Variants in URB2 observed in about 807,000 individuals in gnomAD.
URB2 encodes the protein unhealthy ribosome biogenesis protein 2 homolog.
In URB2, 86 loss-of-function variants were observed where a neutral mutation model predicts 120.9. That is an observed-to-expected ratio of 0.71 (90% CI 0.60 to 0.85). The LOEUF (loss-of-function observed/expected upper bound fraction) is 0.85, where lower values mean the gene tolerates loss of function less well. Among genes scored for constraint, URB2 ranks in the 40% least tolerant of loss-of-function variants. The pLI is 0.00. For missense variants in URB2, 1,765 were observed against 1,836.5 expected (o/e 0.96, Z 0.71); for synonymous variants, 755 against 758.4 (o/e 1.00, Z 0.07).
intron 4 of URB2, among the ~76,000 whole-genome samples, chr1:229,640,811 G>A (rs1665991058): frequency 6.6e-6 from 1 of 152,040 alleles, no homozygotes; most frequent in Non-Finnish European, 1.5e-5. Context: ...TATTGTGTTA[G>A]GGTCTCTTTT....
Position 229,635,075 on chromosome 1 carries a change from C to T in URB2, c.462C>T (p.Cys154=), listed in dbSNP as rs1423755817. 4.3e-6 allele frequency: 7 copies of T among 1,614,026 alleles called. No homozygotes were observed. The highest frequency in any genetic ancestry group is 5.1e-6 in the Non-Finnish European group (6 of 1,179,944). The part of the protein sequence containing the change: ...ELMVALLSQL[C]WSACRQPEGA... Reference sequence around the variant, plus strand: ...TGGTGGCCTTGCTGAGCCAGCTTTGCTGGTCGGCCTGCAGGCAGCCCGAAG... The same window carrying T: ...TGGTGGCCTTGCTGAGCCAGCTTTGTTGGTCGGCCTGCAGGCAGCCCGAAG... The change falls in exon 4 of 10, where the codon TGC becomes TGT. Residue 154 remains cysteine, a synonymous_variant. Coordinates refer to ENST00000258243, the MANE Select transcript of URB2 (RefSeq NM_014777.4).
intron 5 of URB2, 86 bp from the exon 6 acceptor site, chr1:229,645,773 C>A: frequency 8.6e-7 from 1 of 1,168,028 alleles, no homozygotes; most frequent in Non-Finnish European, 1.3e-6. Context: ...ACGCCACAGC[C>A]CCAGAGAGCA....
Position 229,660,027 on chromosome 1 carries a change from G to T in URB2, c.*730G>T, listed in dbSNP as rs1342864689. ...TTTTTATTATAGCAACCTCAGAAAA[G>T]AAAAATAAAAGGATAATTTAAAAAA... On this transcript the variant is annotated 3_prime_UTR_variant, in exon 10 of 10. Transcript: ENST00000258243. The T allele has an allele frequency of 1.3e-5, 2 of 152,092 alleles. No homozygotes were observed. Among genetic ancestry groups the T allele is most frequent in the Non-Finnish European group, 2.9e-5 (2 of 68,008 alleles). The allele number at this position is 152,092 out of a possible 1,614,324, so 9.4% of individuals were successfully genotyped here.
intron 3 of URB2, among the ~76,000 whole-genome samples, chr1:229,633,992 C>T (rs577976170): frequency 6.6e-5 from 10 of 151,808 alleles, no homozygotes; most frequent in South Asian, 4.2e-4. Context: ...CCACCATGCT[C>T]GGCTAATTTT....
chr1:229,655,280 C>T (rs796424543), intron 9 of URB2, among the ~76,000 whole-genome samples: 16 of 152,204 alleles, frequency 1.1e-4, no homozygotes, highest in African/African-American at 3.4e-4. Flanking sequence ...TTCTCCCAGG[C>T]TGGAGTGAAG....
At chr1:229,633,907 C>CT (rs1665729172) in intron 3 of URB2, among the ~76,000 whole-genome samples, 1 of 152,108 alleles carries the variant, frequency 6.6e-6, no homozygotes, top group African/African-American at 2.4e-5. Flanking sequence ...TCTTGGCTCA[C>CT]TGGAACCTCT....
In URB2 at chr1:229,659,871, T is replaced by A. The variant is rs1186466249; in HGVS notation, c.*574T>A. 6.6e-6 allele frequency: 1 copy of A among 152,270 alleles called. No individual in the cohort carries two copies. The highest frequency in any genetic ancestry group is 1.5e-5 in the Non-Finnish European group (1 of 68,108). The allele number at this position is 152,270 out of a possible 1,614,324, so 9.4% of individuals were successfully genotyped here. A position where few individuals can be genotyped will look rare whatever the true frequency, so the allele number is the denominator to read the frequency against. ...GGGCACCTCAGGCAGGTCGGTGACG[T>A]TTAGCACAGGTGCCAGGGCTCCTGC... is the stretch of plus-strand genomic sequence containing the variant. On this transcript the variant is annotated 3_prime_UTR_variant, in exon 10 of 10. Coordinates refer to ENST00000258243, the MANE Select transcript of URB2 (RefSeq NM_014777.4).
At chr1:229,658,297 C>G (rs1222544592) in intron 9 of URB2, among the ~76,000 whole-genome samples, 1 of 152,156 alleles carries the variant, frequency 6.6e-6, no homozygotes, top group Middle Eastern at 3.2e-3. Context: ...TAGTCTGAGT[C>G]TCTTCTCTGG....
In URB2 at chr1:229,637,351, A is replaced by G. The variant is rs150527379; in HGVS notation, c.2738A>G (p.Tyr913Cys). 4.1e-4 allele frequency: 667 copies of G among 1,614,076 alleles called. 1 individual carries two copies. The highest frequency in any genetic ancestry group is 4.9e-4 in the Non-Finnish European group (577 of 1,180,010). The change falls in exon 4 of 10, where the codon TAT (tyrosine) becomes TGT (cysteine). Residue 913 changes from tyrosine to cysteine, a missense_variant. Tyr to Cys is a radical substitution (Grantham distance 194, BLOSUM62 -2). Coordinates refer to ENST00000258243, the MANE Select transcript of URB2 (RefSeq NM_014777.4). Reference protein sequence around the residue: ...ALQLDSLLPPYHVHYFLVLLS... With the variant: ...ALQLDSLLPPCHVHYFLVLLS... Reference sequence around the variant, plus strand: ...CAGCTGGACAGCCTCTTGCCACCCTATCATGTGCATTATTTTCTTGTGTTA... The same window carrying G: ...CAGCTGGACAGCCTCTTGCCACCCTGTCATGTGCATTATTTTCTTGTGTTA...
chr1:229,633,294 G>A (rs1665716871), intron 3 of URB2, among the ~76,000 whole-genome samples: 1 of 152,162 alleles, frequency 6.6e-6, no homozygotes, highest in East Asian at 1.9e-4. Flanking sequence ...ATAAACCAGT[G>A]GTCACCAAAG....
At chr1:229,642,970 GTGTA>G (rs1404096779) in intron 4 of URB2, among the ~76,000 whole-genome samples, 3 of 152,196 alleles carry the variant, frequency 2.0e-5, no homozygotes, top group Non-Finnish European at 4.4e-5. Flanking sequence ...CACGTATTTT[GTGTA>G]TGTATTTATG....
chr1:229,637,128 C>G lies in URB2; in HGVS notation c.2515C>G (p.Pro839Ala). 6.2e-7 allele frequency: 1 copy of G among 1,613,098 alleles called. No homozygotes were observed. Among genetic ancestry groups the G allele is most frequent in the Non-Finnish European group, 8.5e-7 (1 of 1,179,374 alleles). The change falls in exon 4 of 10, where the codon CCC becomes GCC. Residue 839 changes from proline (P) to alanine (A), a missense_variant. Pro to Ala is a conservative substitution (Grantham distance 27). Coordinates refer to ENST00000258243, the MANE Select transcript of URB2 (RefSeq NM_014777.4). ...RDSGLVSQQLPWLFEKDHMVV... is the reference protein window; with the variant it reads ...RDSGLVSQQLAWLFEKDHMVV... ...CTCAGGTCTTGTCAGTCAGCAGCTT[C>G]CCTGGCTTTTTGAAAAGGACCACAT...
intron 8 of URB2, among the ~76,000 whole-genome samples, chr1:229,652,608 G>A (rs755196920): frequency 1.3e-5 from 2 of 152,224 alleles, no homozygotes; most frequent in East Asian, 1.9e-4. Context: ...ATTGTGAATC[G>A]ATTTAGGAGC....
At chr1:229,640,442 T>C (rs1377206737) in intron 4 of URB2, among the ~76,000 whole-genome samples, 2 of 152,192 alleles carry the variant, frequency 1.3e-5, no homozygotes, top group Non-Finnish European at 2.9e-5. Flanking sequence ...GGGGGGTCTT[T>C]TCTTTTTTGT....
Position 229,635,689 on chromosome 1 carries a change from T to C in URB2, c.1076T>C (p.Val359Ala), listed in dbSNP as rs777676028. The C allele has an allele frequency of 6.8e-6, 11 of 1,614,054 alleles. No homozygotes were observed. Among genetic ancestry groups the C allele is most frequent in the Admixed American group, 1.7e-5 (1 of 60,006 alleles). Residue 359 changes from valine (V) to alanine (A), a missense_variant, in exon 4 of 10, where the codon GTT (valine) becomes GCT (alanine). Physicochemically the swap from Val to Ala is moderately conservative, Grantham distance 64 (BLOSUM62 0). Transcript: ENST00000258243. ...TCAGATTGGACCACAGAGCTTTTGG[T>C]TGTGGAACAGCTACTAAACTCAGTG... is the stretch of plus-strand genomic sequence containing the variant. ...STSDWTTELL[V>A]VEQLLNSVAN...
At position 229,651,251 on chromosome 1, in the gene URB2, T is replaced by G; in HGVS notation, c.4166T>G (p.Ile1389Ser). ...TCATTACAGGTAATGCTGAAAGCCA[T>G]CCCTTCTTTCTTGAACTCTTTCAAT... Reference protein sequence around the residue: ...QCHPKVMLKAIPSFLNSFNRL... With the variant: ...QCHPKVMLKASPSFLNSFNRL... Residue 1389 changes from isoleucine (I) to serine (S), a missense_variant, in exon 8 of 10, where the codon ATC (isoleucine) becomes AGC (serine). By Grantham distance (142) the Ile-to-Ser change is moderately radical. Coordinates refer to ENST00000258243, the MANE Select transcript of URB2 (RefSeq NM_014777.4). 6.2e-7 allele frequency: 1 copy of G among 1,609,926 alleles called. No individual in the cohort carries two copies. The highest frequency in any genetic ancestry group is 1.1e-5 in the South Asian group (1 of 90,084).
rs879549966 is a variant in URB2, at chr1:229,654,403, A to G, written c.4377+15A>G. 25 of 1,614,006 alleles carry G rather than the reference A, an allele frequency of 1.5e-5. No individual in the cohort carries two copies. The highest frequency in any genetic ancestry group is 1.9e-5 in the Non-Finnish European group (23 of 1,180,020). The stretch of plus-strand genomic sequence containing the variant: ...AGGTACAGAAGGTAAAATTGGGTTC[A>G]ATGTCTTTCACCAAGTACTGTGTTT... On this transcript the variant is annotated intron_variant, in intron 9 of 9. Coordinates refer to ENST00000258243, the MANE Select transcript of URB2 (RefSeq NM_014777.4).
rs1482849461 is a variant in URB2, at chr1:229,636,462, G to T, written c.1849G>T (p.Asp617Tyr). The stretch of plus-strand genomic sequence containing the variant: ...GCTCTCTTACACTTGGGCCCAGGTG[G>T]ACGCTATGTTCAGTTTGAACTGTAG... ...LLLSYTWAQV[D>Y]AMFSLNCSQY... The change falls in exon 4 of 10, where the codon GAC (aspartate) becomes TAC (tyrosine). Residue 617 changes from aspartate to tyrosine, a missense_variant. Physicochemically the swap from Asp to Tyr is radical, Grantham distance 160. Coordinates refer to ENST00000258243, the MANE Select transcript of URB2 (RefSeq NM_014777.4). 1 of 1,614,232 alleles carries T rather than the reference G, an allele frequency of 6.2e-7. No homozygotes were observed. The highest frequency in any genetic ancestry group is 2.2e-5 in the East Asian group (1 of 44,884).
intron 2 of URB2, among the ~76,000 whole-genome samples, chr1:229,631,588 A>G (rs1665667425): frequency 1.3e-5 from 2 of 152,168 alleles, no homozygotes; most frequent in Non-Finnish European, 2.9e-5. Flanking sequence ...CCTAATTGCA[A>G]TATTATTGCG....
Sources: allele counts gnomAD v4.1 joint callset (sites outside exome capture counted in the v4.1 genomes callset), GRCh38; gene constraint gnomAD v4.1.1; transcripts MANE v1.5; gene names NCBI Gene and HGNC (gene_info 2026-07-23, HGNC 2026-07-21).